Variants in ZC3H7A observed in about 807,000 individuals in gnomAD.
The protein encoded by ZC3H7A is zinc finger CCCH domain-containing protein 7A.
A neutral mutation model predicts 125.5 loss-of-function variants in ZC3H7A; 44 were observed. The observed-to-expected ratio is 0.35, with a 90% CI of 0.28 to 0.45. The LOEUF is 0.45. Among genes scored for constraint, ZC3H7A ranks in the 20% least tolerant of loss-of-function variants. The probability of loss-of-function intolerance (pLI) is 1.00; values close to 1 mark genes in which losing one functional copy is unlikely to be tolerated. For synonymous variants in ZC3H7A, 399 were observed against 391.2 expected, an observed-to-expected ratio of 1.02 and a Z score of -0.23; for missense variants, 977 against 1,170.7, an observed-to-expected ratio of 0.83 and a Z score of 2.41.
chr16:11,751,559 GT>G, intron 22 of ZC3H7A, 53 bp from the exon 23 acceptor site: 1 of 1,539,784 alleles, frequency 6.5e-7, no homozygotes, highest in Non-Finnish European at 8.8e-7. Flanking sequence ...TCTAAAAATC[GT>G]GTCATGATTC....
chr16:11,773,953 A>G (rs1271332142), intron 9 of ZC3H7A, among the ~76,000 whole-genome samples: 1 of 152,130 alleles, frequency 6.6e-6, no homozygotes, highest in Non-Finnish European at 1.5e-5. Flanking sequence ...TTAAATATCA[A>G]ACGCCTATTT....
chr16:11,768,617 G>C, intron 11 of ZC3H7A, 116 bp from the exon 12 acceptor site: 2 of 894,970 alleles, frequency 2.2e-6, no homozygotes, highest in Non-Finnish European at 3.1e-6. Flanking sequence ...ACTGAGGTCA[G>C]TACTACTCCA....
chr16:11,761,332 T>C, intron 19 of ZC3H7A, 74 bp downstream of exon 19: 1 of 1,362,864 alleles, frequency 7.3e-7, no homozygotes. Flanking sequence ...TGAGTTTCAA[T>C]CTGAATTACT....
rs199518773 is a variant in ZC3H7A, at chr16:11,763,434, T to C, written c.2002+44A>G. 3.6e-4 allele frequency: 552 copies of C among 1,544,994 alleles called. 11 individuals carry two copies. The South Asian group carries it at 4.6e-3, about 13-fold the overall frequency. On this transcript the variant is annotated intron_variant, in intron 16 of 22. Transcript: ENST00000355758. ...CAAATTACTGTTTCATTAAACCCTG[T>C]CTGCTCTTGAGGAGACATACTTCTC...
intron 17 of ZC3H7A, 135 bp downstream of exon 17, chr16:11,762,536 T>G (rs1361322848): frequency 2.4e-6 from 2 of 817,782 alleles, no homozygotes; most frequent in African/African-American, 1.7e-5. Flanking sequence ...TTTTTTCACA[T>G]AAGAATGACT....
At chr16:11,759,881 G>A (rs1427066196) in intron 19 of ZC3H7A, 2 of 152,276 alleles carry the variant, frequency 1.3e-5, no homozygotes, top group Non-Finnish European at 2.9e-5. Flanking sequence ...GGGAGGCCAA[G>A]GCGGGTGGGT....
intron 4 of ZC3H7A, among the ~76,000 whole-genome samples, chr16:11,777,273 GA>G (rs2053096470): frequency 1.3e-5 from 2 of 152,164 alleles, no homozygotes; most frequent in Non-Finnish European, 2.9e-5. Flanking sequence ...ATGTCAAACA[GA>G]AACGTAACTC....
intron 1 of ZC3H7A, among the ~76,000 whole-genome samples, chr16:11,783,398 A>T (rs1264065901): frequency 6.6e-6 from 1 of 152,166 alleles, no homozygotes; most frequent in African/African-American, 2.4e-5. Flanking sequence ...AGCCACAGAG[A>T]AGAGATCTGA....
chr16:11,781,438 T>C lies in ZC3H7A; in HGVS notation c.95A>G (p.Gln32Arg), dbSNP rs143660409. ...CGGAGTCATTACCGCATATTGCTCCTGTGTTCCTGGATATGACAGCGGTGA... is the reference window on the plus strand; with the variant it reads ...CGGAGTCATTACCGCATATTGCTCCCGTGTTCCTGGATATGACAGCGGTGA... ...IQSPLSYPGTQEQYAVYLRAL... is the reference protein window; with the variant it reads ...IQSPLSYPGTREQYAVYLRAL... Residue 32 changes from glutamine (Q) to arginine (R), a missense_variant, in exon 3 of 23, where the codon CAG becomes CGG. Physicochemically the swap from Gln to Arg is conservative, Grantham distance 43. Around this residue, in one of 3 missense-constraint regions of ZC3H7A, gnomAD observed 199 missense variants for 256.1 expected, o/e 0.78. Transcript: ENST00000355758. 6.2e-7 allele frequency: 1 copy of C among 1,607,372 alleles called. No individual in the cohort carries two copies. Among genetic ancestry groups the C allele is most frequent in the Non-Finnish European group, 8.5e-7 (1 of 1,175,292 alleles).
chr16:11,796,216 T>C (rs2053433968), intron 1 of ZC3H7A: 2 of 152,214 alleles, frequency 1.3e-5, no homozygotes, highest in Middle Eastern at 3.2e-3. Flanking sequence ...TATAAAAGAT[T>C]ACCAATGACA....
In ZC3H7A at chr16:11,751,268, T is replaced by A; in HGVS notation, c.*49A>T. 1 of 1,540,876 alleles carries A rather than the reference T, an allele frequency of 6.5e-7. No individual in the cohort carries two copies. Among genetic ancestry groups the A allele is most frequent in the Non-Finnish European group, 8.8e-7 (1 of 1,140,664 alleles). On this transcript the variant is annotated 3_prime_UTR_variant, in exon 23 of 23. Coordinates refer to ENST00000355758, the MANE Select transcript of ZC3H7A (RefSeq NM_014153.4). ...GCTATGTGCCTCAGAACACTTTCAA[T>A]TTTTCTGGTCAATGCTCTGATTAGG...
chr16:11,792,591 C>CT (rs1451825827), intron 1 of ZC3H7A, among the ~76,000 whole-genome samples: 3 of 152,236 alleles, frequency 2.0e-5, no homozygotes, highest in Non-Finnish European at 1.5e-5. Flanking sequence ...TCTTACTGGA[C>CT]TCCAGGCACT....
At chr16:11,789,545 C>T (rs767403773) in intron 1 of ZC3H7A, among the ~76,000 whole-genome samples, 3 of 152,164 alleles carry the variant, frequency 2.0e-5, no homozygotes, top group African/African-American at 4.8e-5. Context: ...TGAGCCACTG[C>T]GCCCGGCCGT....
chr16:11,789,509 C>G (rs1459487895), intron 1 of ZC3H7A, among the ~76,000 whole-genome samples: 1 of 152,110 alleles, frequency 6.6e-6, no homozygotes, highest in Admixed American at 6.6e-5. Flanking sequence ...CTGCCTTGGC[C>G]TCCCAAAGTG....
chr16:11,793,674 A>T (rs8056774), intron 1 of ZC3H7A, among the ~76,000 whole-genome samples: 108,851 of 152,048 alleles, frequency 0.72, 40,570 homozygotes, highest in Middle Eastern at 0.85. Context: ...GTCATCCTTA[A>T]TTGGCAACAG....
chr16:11,775,076 G>A, intron 7 of ZC3H7A, 63 bp from the exon 8 acceptor site: 1 of 1,580,536 alleles, frequency 6.3e-7, no homozygotes, highest in Non-Finnish European at 8.7e-7. Context: ...AAAACAATCA[G>A]TAAAACTCAC....
chr16:11,794,126 T>C (rs939571131), intron 1 of ZC3H7A, among the ~76,000 whole-genome samples: 20 of 152,272 alleles, frequency 1.3e-4, no homozygotes, highest in African/African-American at 4.8e-4. Context: ...ATGTAAAAGC[T>C]TCATGACAAA....
rs2052901280 is a variant in ZC3H7A at position 11,768,388 on chromosome 16, T to C, written c.1287A>G (p.Ser429=). ...FGSAVTKPSS[S]VTPRHPLEGT... ...CTTCGAGGGGATGTCTTGGAGTCAC[T>C]GATGAAGATGGTTTGGTAACTGCAC... Residue 429 remains serine (S), a synonymous_variant, in exon 12 of 23, where the codon TCA becomes TCG. Transcript: ENST00000355758. 1.9e-6 allele frequency: 3 copies of C among 1,599,050 alleles called. No homozygotes were observed. In the African/African-American group the frequency reaches 4.0e-5, roughly 21 times the overall value.
chr16:11,794,227 C>T (rs1325855697), intron 1 of ZC3H7A, among the ~76,000 whole-genome samples: 2 of 152,228 alleles, frequency 1.3e-5, no homozygotes, highest in Non-Finnish European at 2.9e-5. Flanking sequence ...AACACACTCT[C>T]ACCTTCTTAC....
Sources: gnomAD v4.1 joint callset for allele counts (sites outside exome capture counted in the v4.1 genomes callset) on GRCh38, gnomAD v4.1.1 for gene constraint, gnomAD v4.1.1 regional missense constraint, MANE v1.5 for transcripts, NCBI Gene and HGNC (gene_info 2026-07-23, HGNC 2026-07-21) for gene names.